F13A1: variants seen among roughly 807,000 people sequenced by gnomAD.
F13A1 encodes the protein coagulation factor XIII A chain.
In F13A1, 47 loss-of-function variants were observed where a neutral mutation model predicts 80.1. The observed-to-expected ratio is 0.59, with a 90% CI of 0.46 to 0.75. The LOEUF (loss-of-function observed/expected upper bound fraction) is 0.75. Ranked by LOEUF, F13A1 falls within the 30% of genes least tolerant of loss-of-function variation. F13A1 has a pLI of 0.00. For synonymous variants in F13A1, 349 were observed against 344.9 expected, an observed-to-expected ratio of 1.01 and a Z score of -0.13; for missense variants, 817 against 930.4, an observed-to-expected ratio of 0.88 and a Z score of 1.59.
Position 6,162,680 on chromosome 6 carries a change from G to A in F13A1, c.1908+4778C>T, listed in dbSNP as rs1248768298. Among the ~76,000 whole-genome samples the A allele has an allele frequency of 1.3e-5, 2 of 152,148 alleles. No homozygotes were observed. The highest frequency in any genetic ancestry group is 4.8e-5 in the African/African-American group (2 of 41,418). Reference sequence around the variant, plus strand: ...ATAATAGCAGCAACCAACATATGTAGGTGTGCACTGTGACTCGGGCATCCA... The same window carrying A: ...ATAATAGCAGCAACCAACATATGTAAGTGTGCACTGTGACTCGGGCATCCA... On this transcript the variant is annotated intron_variant, in intron 13 of 14. Transcript: ENST00000264870. This position sits in a 1 kb window ranked among gnomAD's most constrained non-coding sequence, Gnocchi z 4.2.
Position 6,145,449 on chromosome 6 carries a change from T to C in F13A1, c.*170A>G. The C allele has an allele frequency of 1.2e-6, 1 of 806,146 alleles. No homozygotes were observed. The highest frequency in any genetic ancestry group is 2.1e-6 in the Non-Finnish European group (1 of 484,556). 49.9% of individuals were successfully genotyped at this position (806,146 alleles called of 1,614,324 possible). A position where few individuals can be genotyped will look rare whatever the true frequency, so the allele number is the denominator to read the frequency against. On this transcript the variant is annotated 3_prime_UTR_variant, in exon 15 of 15. Coordinates refer to ENST00000264870, the MANE Select transcript of F13A1 (RefSeq NM_000129.4). The stretch of plus-strand genomic sequence containing the variant: ...TAACTTCCTTGCCGAATAGCCTGGG[T>C]TTGGAAAAGCATGTTTTTGAAATAT...
At position 6,162,468 on chromosome 6, in the gene F13A1, T is replaced by C. The variant is rs530431932; in HGVS notation, c.1908+4990A>G. The stretch of plus-strand genomic sequence containing the variant: ...ACACCACTCAAGTGTGTGTGATCTC[T>C]CCTCCCTTGAATACAAAACTCTCTG... On this transcript the variant is annotated intron_variant, in intron 13 of 14. Transcript: ENST00000264870. The surrounding 1 kb of genome is among the most constrained non-coding windows in gnomAD (Gnocchi z 4.2). Among the ~76,000 whole-genome samples the C allele has an allele frequency of 1.3e-5, 2 of 152,240 alleles. No homozygotes were observed. The highest frequency in any genetic ancestry group is 2.1e-4 in the South Asian group (1 of 4,814).
Position 6,248,446 on chromosome 6 carries a change from A to G in F13A1, c.691-27T>C, listed in dbSNP as rs181689222. 2.1e-4 allele frequency: 336 copies of G among 1,585,502 alleles called. No homozygotes were observed. In the East Asian group the frequency reaches 5.7e-3, roughly 27 times the overall value. On this transcript the variant is annotated intron_variant, in intron 5 of 14. Transcript: ENST00000264870. ...TATTTGGAGAAAGAAAAACAAAGAG[A>G]AACTAGTGTTCACTCTGCAAGCAAA...
intron 4 of F13A1, among the ~76,000 whole-genome samples, chr6:6,265,516 T>G (rs944667204): frequency 2.0e-5 from 3 of 152,208 alleles, no homozygotes; most frequent in African/African-American, 7.2e-5. Flanking sequence ...AAATGCTATG[T>G]GTGACTGAGG....
intron 10 of F13A1, 80 bp downstream of exon 10, chr6:6,195,717 A>T (rs1159355975): frequency 1.0e-5 from 14 of 1,358,446 alleles, no homozygotes; most frequent in Non-Finnish European, 1.2e-5. Flanking sequence ...AAAACTTAGA[A>T]ACAACAACTT....
chr6:6,260,560 A>C (rs1001714430), intron 4 of F13A1, among the ~76,000 whole-genome samples: 1 of 152,134 alleles, frequency 6.6e-6, no homozygotes, highest in Non-Finnish European at 1.5e-5. Context: ...ACTGCAGGGG[A>C]CTGCTGGGCT....
At chr6:6,226,827 G>A (rs1757282825) in intron 6 of F13A1, among the ~76,000 whole-genome samples, 1 of 152,148 alleles carries the variant, frequency 6.6e-6, no homozygotes, top group Non-Finnish European at 1.5e-5. Context: ...AACCAATCAA[G>A]TGGATGTAAA....
intron 2 of F13A1, among the ~76,000 whole-genome samples, chr6:6,309,856 A>G (rs1758565748): frequency 6.6e-6 from 1 of 152,028 alleles, no homozygotes; most frequent in Non-Finnish European, 1.5e-5. Flanking sequence ...GTACTCCTGG[A>G]TTTGCCTTCT....
chr6:6,225,794 T>C (rs1308360694), intron 6 of F13A1, among the ~76,000 whole-genome samples: 1 of 152,238 alleles, frequency 6.6e-6, no homozygotes, highest in East Asian at 1.9e-4. Flanking sequence ...TAAGTCACCA[T>C]GCCTGGCCCA....
At chr6:6,262,901 C>A (rs2113118955) in intron 4 of F13A1, among the ~76,000 whole-genome samples, 1 of 152,274 alleles carries the variant, frequency 6.6e-6, no homozygotes, top group Non-Finnish European at 1.5e-5. Context: ...TGAAACTTCT[C>A]AACCTTAGCT....
intron 6 of F13A1, among the ~76,000 whole-genome samples, chr6:6,225,339 C>T (rs1185897765): frequency 6.6e-6 from 1 of 152,000 alleles, no homozygotes; most frequent in Admixed American, 6.6e-5. Context: ...GTAGACTCTA[C>T]CGACTTGAAA....
chr6:6,316,890 T>C (rs1333030795), intron 2 of F13A1, among the ~76,000 whole-genome samples: 3 of 152,236 alleles, frequency 2.0e-5, no homozygotes, highest in African/African-American at 7.2e-5. Flanking sequence ...AAGTGGCAGA[T>C]GTGGAACAGG....
At chr6:6,159,976 C>T (rs1049066784) in intron 13 of F13A1, among the ~76,000 whole-genome samples, 14 of 151,980 alleles carry the variant, frequency 9.2e-5, no homozygotes, top group Non-Finnish European at 1.5e-5. Flanking sequence ...AAAAATGCAA[C>T]AAAAATGTTC....
chr6:6,294,624 C>A (rs1758291105), intron 3 of F13A1, among the ~76,000 whole-genome samples: 1 of 151,894 alleles, frequency 6.6e-6, no homozygotes, highest in Admixed American at 6.6e-5. Context: ...CTCAAGAGAA[C>A]ACTGACTAAT....
At chr6:6,161,790 G>C (rs1449656177) in intron 13 of F13A1, among the ~76,000 whole-genome samples, 2 of 152,112 alleles carry the variant, frequency 1.3e-5, no homozygotes, top group Non-Finnish European at 2.9e-5. Flanking sequence ...GAGCACTATT[G>C]AGCCCAGGCC....
chr6:6,194,514 T>C (rs758872921), intron 10 of F13A1, among the ~76,000 whole-genome samples: 1 of 152,202 alleles, frequency 6.6e-6, no homozygotes, highest in Non-Finnish European at 1.5e-5. Context: ...TCCACAGGCA[T>C]CCTCACTGTC....
intron 13 of F13A1, among the ~76,000 whole-genome samples, chr6:6,158,129 G>A (rs1026619030): frequency 6.6e-6 from 1 of 152,068 alleles, no homozygotes; most frequent in African/African-American, 2.4e-5. Flanking sequence ...GGTCCCCTGG[G>A]GTAAGCAGGC....
At chr6:6,210,158 A>T (rs1441237421) in intron 8 of F13A1, among the ~76,000 whole-genome samples, 2 of 151,442 alleles carry the variant, frequency 1.3e-5, no homozygotes, top group South Asian at 2.1e-4. Flanking sequence ...TGAGCCTGGG[A>T]GGTCAAGGCT....
intron 10 of F13A1, among the ~76,000 whole-genome samples, chr6:6,188,270 G>C (rs899583844): frequency 2.6e-5 from 4 of 151,422 alleles, no homozygotes; most frequent in African/African-American, 9.7e-5. Context: ...GCTAGCTTTT[G>C]AATGTGTTTG....
Sources: allele counts gnomAD v4.1 joint callset (sites outside exome capture counted in the v4.1 genomes callset), GRCh38; gene constraint gnomAD v4.1.1; non-coding constraint Gnocchi (gnomAD v3.1); transcripts MANE v1.5; gene names NCBI Gene and HGNC (gene_info 2026-07-23, HGNC 2026-07-21).